DROSHA: variants seen among roughly 807,000 people sequenced by gnomAD.
DROSHA encodes ribonuclease 3.
In DROSHA, 56 loss-of-function variants were observed where a neutral mutation model predicts 181.9. The ratio of observed to expected loss-of-function variants is 0.31; its 90% CI spans 0.25 to 0.38. The LOEUF is 0.38. Among genes scored for constraint, DROSHA ranks in the 10% least tolerant of loss-of-function variants. DROSHA has a pLI of 1.00. For synonymous variants in DROSHA, 524 were observed against 591.2 expected (o/e 0.89, Z 1.65); for missense variants, 1,218 against 1,743.5 (o/e 0.70, Z 5.37).
At chr5:31,457,128 T>TC (rs1383345164) in intron 20 of DROSHA, among the ~76,000 whole-genome samples, 1 of 146,984 alleles carries the variant, frequency 6.8e-6, no homozygotes, top group Non-Finnish European at 1.5e-5. Flanking sequence ...TAAGCCTTTT[T>TC]TTTTTTTTTT....
At position 31,400,534 on chromosome 5, in the gene DROSHA, C is replaced by T. The variant is rs1302345266; in HGVS notation, c.*898G>A. 6.6e-6 allele frequency: 1 copy of T among 152,168 alleles called. No homozygotes were observed. Among genetic ancestry groups the T allele is most frequent in the African/African-American group, 2.4e-5 (1 of 41,430 alleles). The allele number at this position is 152,168 out of a possible 1,614,324, so 9.4% of individuals were successfully genotyped here. A position where few individuals can be genotyped will look rare whatever the true frequency, so the allele number is the denominator to read the frequency against. The stretch of plus-strand genomic sequence containing the variant: ...AGTTTTGCCTTTATTAATAAGAAAC[C>T]AGTGATGTTTAGTTTGGAATAACTT... On this transcript the variant is annotated 3_prime_UTR_variant, in exon 36 of 36. Transcript: ENST00000344624.
chr5:31,436,907 TATC>T (rs72550801), intron 24 of DROSHA, among the ~76,000 whole-genome samples: 1 of 152,308 alleles, frequency 6.6e-6, no homozygotes, highest in African/African-American at 2.4e-5. Flanking sequence ...CATTTTAAAA[TATC>T]ATCCCTTTCT....
At chr5:31,524,341 G>A (rs1740274126) in intron 5 of DROSHA, among the ~76,000 whole-genome samples, 1 of 152,200 alleles carries the variant, frequency 6.6e-6, no homozygotes, top group Admixed American at 6.5e-5. Context: ...ATGTGAACTG[G>A]TTCCTAAATC....
chr5:31,416,852 G>A (rs1742010433), intron 30 of DROSHA, among the ~76,000 whole-genome samples: 2 of 152,190 alleles, frequency 1.3e-5, no homozygotes, highest in Admixed American at 1.3e-4. Context: ...ACTGTAGAGA[G>A]TTAAGCTGGG....
At chr5:31,528,501 C>T (rs1202354429) in intron 4 of DROSHA, among the ~76,000 whole-genome samples, 1 of 152,118 alleles carries the variant, frequency 6.6e-6, no homozygotes, top group African/African-American at 2.4e-5. Context: ...CCATCCTTAG[C>T]TAAAAATTTA....
rs1751550930 is a variant in DROSHA at position 31,484,839 on chromosome 5, C to G, written c.1996+42G>C. 4 of 1,366,910 alleles carry G rather than the reference C, an allele frequency of 2.9e-6. No individual in the cohort carries two copies. The African/African-American group carries it at 4.4e-5, about 15-fold the overall frequency. The allele number at this position is 1,366,910 out of a possible 1,614,324, so 84.7% of individuals were successfully genotyped here. On this transcript the variant is annotated intron_variant, in intron 15 of 35. Transcript: ENST00000344624. The stretch of plus-strand genomic sequence containing the variant: ...GAGTTTTCACATATACCATAATGTT[C>G]TTCCATAAACACTACTCTCTTCTTT...
At chr5:31,520,130 T>A (rs1248864267) in intron 6 of DROSHA, among the ~76,000 whole-genome samples, 1 of 152,156 alleles carries the variant, frequency 6.6e-6, no homozygotes, top group Non-Finnish European at 1.5e-5. Flanking sequence ...ATTTTTCGAG[T>A]TATTGACCTA....
chr5:31,452,294 C>A (rs1360231321), intron 20 of DROSHA, among the ~76,000 whole-genome samples: 2 of 152,200 alleles, frequency 1.3e-5, no homozygotes, highest in Non-Finnish European at 2.9e-5. Context: ...CCACGACTAT[C>A]CTTGAAGAGC....
intron 5 of DROSHA, among the ~76,000 whole-genome samples, chr5:31,525,099 G>A (rs563592336): frequency 2.7e-4 from 41 of 152,108 alleles, no homozygotes; most frequent in African/African-American, 9.9e-4. Flanking sequence ...GGGAGGCCGA[G>A]GGGGGCTGAT....
rs1341209835 is a variant in DROSHA, at chr5:31,514,330, A to G, written c.1290+658T>C. On this transcript the variant is annotated intron_variant, in intron 8 of 35. Coordinates refer to ENST00000344624, the MANE Select transcript of DROSHA (RefSeq NM_001382508.1). This position sits in a 1 kb window ranked among gnomAD's most constrained non-coding sequence, Gnocchi z 4.4. Reference sequence around the variant, plus strand: ...AGCTTATGAAACCACCAGTACTGAGACTACCAGTATCATTAAAAATGTAGA... The same window carrying G: ...AGCTTATGAAACCACCAGTACTGAGGCTACCAGTATCATTAAAAATGTAGA... Among the ~76,000 whole-genome samples the G allele has an allele frequency of 6.6e-6, 1 of 151,886 alleles. No individual in the cohort carries two copies. The highest frequency in any genetic ancestry group is 1.5e-5 in the Non-Finnish European group (1 of 68,004).
intron 35 of DROSHA, among the ~76,000 whole-genome samples, chr5:31,403,993 C>CT (rs1236623548): frequency 6.6e-6 from 1 of 152,064 alleles, no homozygotes; most frequent in African/African-American, 2.4e-5. Context: ...CCATAGCTCA[C>CT]TGCAGCCTCG....
chr5:31,520,789 C>T (rs1485534056), intron 6 of DROSHA, among the ~76,000 whole-genome samples: 3 of 151,944 alleles, frequency 2.0e-5, no homozygotes, highest in African/African-American at 7.2e-5. Context: ...TGCAGTTTTG[C>T]TCTTTTTTTC....
chr5:31,466,817 G>A (rs549775936), intron 18 of DROSHA, among the ~76,000 whole-genome samples: 119 of 152,268 alleles, frequency 7.8e-4, no homozygotes, highest in African/African-American at 2.7e-3. Flanking sequence ...GACTAATGGT[G>A]TATACCAATT....
chr5:31,480,141 T>G (rs948230252), intron 16 of DROSHA, among the ~76,000 whole-genome samples: 7 of 142,326 alleles, frequency 4.9e-5, no homozygotes, highest in African/African-American at 1.5e-4. Context: ...AAAGTGCTCA[T>G]TCAAGTCTTT....
rs73075708 is a variant in DROSHA, at chr5:31,434,866, C to G, written c.3042+899G>C. On this transcript the variant is annotated intron_variant, in intron 25 of 35. Coordinates refer to ENST00000344624, the MANE Select transcript of DROSHA (RefSeq NM_001382508.1). The stretch of plus-strand genomic sequence containing the variant: ...AGTCTATAAAAATGTAAGGATTTAT[C>G]ACAAGAACATGGGTAGCATCAATAA... 6.4e-3 allele frequency among the ~76,000 whole-genome samples: 976 copies of G among 152,308 alleles called. 9 individuals are homozygous for G. Among genetic ancestry groups the G allele is most frequent in the African/African-American group, 0.023 (938 of 41,574 alleles).
intron 18 of DROSHA, chr5:31,467,260 A>C (rs949093868): frequency 1.0e-4 from 15 of 149,988 alleles, no homozygotes; most frequent in African/African-American, 1.5e-4. Flanking sequence ...AAAATCTCCC[A>C]TGCCCTTTTC....
intron 11 of DROSHA, among the ~76,000 whole-genome samples, chr5:31,495,610 G>A (rs1378630756): frequency 6.6e-6 from 1 of 152,130 alleles, no homozygotes; most frequent in Non-Finnish European, 1.5e-5. Context: ...GACCAATAAG[G>A]CCGCAAATGT....
intron 27 of DROSHA, among the ~76,000 whole-genome samples, chr5:31,425,910 G>A (rs1049071902): frequency 6.6e-6 from 1 of 151,944 alleles, no homozygotes; most frequent in Non-Finnish European, 1.5e-5. Flanking sequence ...CAAACACCCT[G>A]AGCAATGCAC....
chr5:31,474,443 G>A (rs1394329178), intron 16 of DROSHA, among the ~76,000 whole-genome samples: 1 of 151,960 alleles, frequency 6.6e-6, no homozygotes, highest in Admixed American at 6.6e-5. Flanking sequence ...GCTCATCGCA[G>A]CCTCAACCTC....
Sources: gnomAD v4.1 joint callset for allele counts (sites outside exome capture counted in the v4.1 genomes callset) on GRCh38, gnomAD v4.1.1 for gene constraint, Gnocchi (gnomAD v3.1) non-coding constraint, MANE v1.5 for transcripts, NCBI Gene and HGNC (gene_info 2026-07-23, HGNC 2026-07-21) for gene names.